SDK1: variants seen among roughly 807,000 people sequenced by gnomAD.
The protein encoded by SDK1 is sidekick cell adhesion molecule 1, also known as protein sidekick-1.
A neutral mutation model predicts 245.5 loss-of-function variants in SDK1; 157 were observed. The observed-to-expected ratio is 0.64, with a 90% confidence interval of 0.56 to 0.73. SDK1 has a LOEUF of 0.73. SDK1 is among the 30% of genes least tolerant of loss of function. The probability of loss-of-function intolerance (pLI) is 0.00; values close to 1 mark genes in which losing one functional copy is unlikely to be tolerated. For synonymous variants in SDK1, 1,647 were observed against 1,278.5 expected (o/e 1.29, Z -6.15); for missense variants, 3,583 against 3,002.3 (o/e 1.19, Z -4.52).
chr7:3,379,032 TCTC>T (rs1781420724), intron 1 of SDK1, among the ~76,000 whole-genome samples: 1 of 152,150 alleles, frequency 6.6e-6, no homozygotes, highest in African/African-American at 2.4e-5. Flanking sequence ...ATGGCCTGCT[TCTC>T]CTGGCCTGTG....
intron 1 of SDK1, among the ~76,000 whole-genome samples, chr7:3,563,362 T>C (rs531234893): frequency 7.2e-5 from 11 of 152,120 alleles, no homozygotes; most frequent in Non-Finnish European, 1.2e-4. Flanking sequence ...AAAAATAGGT[T>C]ATAAGAGACA....
At chr7:4,224,588 G>A (rs1404640223) in intron 40 of SDK1, among the ~76,000 whole-genome samples, 6 of 152,160 alleles carry the variant, frequency 3.9e-5, no homozygotes, top group Non-Finnish European at 7.3e-5. Context: ...GGGACACAGA[G>A]CCAAACAATA....
intron 1 of SDK1, among the ~76,000 whole-genome samples, chr7:3,563,252 AAAG>A (rs1009886538): frequency 6.6e-6 from 1 of 152,226 alleles, no homozygotes; most frequent in Admixed American, 6.5e-5. Context: ...AATATGAAAA[AAAG>A]CTGGAAAAGT....
chr7:3,337,921 A>G (rs1202266431), intron 1 of SDK1: 2 of 152,348 alleles, frequency 1.3e-5, no homozygotes, highest in African/African-American at 2.4e-5. Context: ...AAACGAAAAC[A>G]TAAGGCTCTG....
At chr7:4,218,832 G>T (rs1263998170) in intron 38 of SDK1, among the ~76,000 whole-genome samples, 1 of 152,024 alleles carries the variant, frequency 6.6e-6, no homozygotes, top group East Asian at 1.9e-4. Flanking sequence ...AGAGCTGCCT[G>T]GTGGAGATTA....
intron 35 of SDK1, among the ~76,000 whole-genome samples, chr7:4,191,160 C>T (rs368065240): frequency 2.6e-5 from 4 of 152,174 alleles, no homozygotes; most frequent in African/African-American, 4.8e-5. Flanking sequence ...AGGCCAACCC[C>T]GCGGCGGTCA....
intron 22 of SDK1, among the ~76,000 whole-genome samples, chr7:4,085,751 C>T (rs1336128265): frequency 6.6e-6 from 1 of 152,008 alleles, no homozygotes; most frequent in African/African-American, 2.4e-5. Flanking sequence ...GATGGGGTTT[C>T]ACCATGTTGG....
At chr7:3,304,910 A>T (rs572484743) in intron 1 of SDK1, among the ~76,000 whole-genome samples, 147 of 152,296 alleles carry the variant, frequency 9.7e-4, no homozygotes, top group African/African-American at 3.3e-3. Flanking sequence ...TCTGGGCATC[A>T]GGATGCTGAG....
chr7:3,388,988 C>G (rs67691723), intron 1 of SDK1, among the ~76,000 whole-genome samples: 16,035 of 152,186 alleles, frequency 0.11, 1,285 homozygotes, highest in African/African-American at 0.22. Flanking sequence ...TAGCATTATC[C>G]TGTGATACAG....
chr7:3,574,749 A>C (rs1275766362), intron 1 of SDK1, among the ~76,000 whole-genome samples: 1 of 152,130 alleles, frequency 6.6e-6, no homozygotes, highest in Non-Finnish European at 1.5e-5. Flanking sequence ...ATTTCATTTA[A>C]AGTTACGAAA....
In SDK1 at chr7:3,597,462, A is replaced by G. The variant is rs527994604; in HGVS notation, c.299-21618A>G. On this transcript the variant is annotated intron_variant, in intron 1 of 44. Coordinates refer to ENST00000404826, the MANE Select transcript of SDK1 (RefSeq NM_152744.4). ...AGCAGAACAGTGGGTTTTGTAAGAT[A>G]GAAACAGGACACAGAACACCGGCGG... Among the ~76,000 whole-genome samples the G allele has an allele frequency of 7.4e-4, 112 of 152,248 alleles. 1 individual carries two copies. Among genetic ancestry groups the G allele is most frequent in the African/African-American group, 2.5e-3 (105 of 41,536 alleles).
At chr7:4,161,483 G>A (rs1453851278) in intron 31 of SDK1, among the ~76,000 whole-genome samples, 1 of 152,120 alleles carries the variant, frequency 6.6e-6, no homozygotes, top group East Asian at 1.9e-4. Context: ...GGAGGGTCTC[G>A]AGCCAGAGAG....
intron 22 of SDK1, among the ~76,000 whole-genome samples, chr7:4,085,126 C>T (rs986279470): frequency 6.6e-6 from 1 of 152,170 alleles, no homozygotes; most frequent in Non-Finnish European, 1.5e-5. Context: ...GGACTCCTAA[C>T]TCGATTATCT....
chr7:4,002,679 AATAC>A (rs1199994908), intron 14 of SDK1, among the ~76,000 whole-genome samples: 1 of 152,166 alleles, frequency 6.6e-6, no homozygotes, highest in African/African-American at 2.4e-5. Flanking sequence ...TATATACACA[AATAC>A]ATATACACAC....
chr7:3,916,922 A>G (rs1354368854), intron 5 of SDK1, among the ~76,000 whole-genome samples: 1 of 152,242 alleles, frequency 6.6e-6, no homozygotes, highest in Non-Finnish European at 1.5e-5. Flanking sequence ...ATACAGGCAC[A>G]GATGCAGACT....
chr7:4,012,154 G>C lies in SDK1; in HGVS notation c.2339G>C (p.Arg780Pro). 9 of 1,578,208 alleles carry C rather than the reference G, an allele frequency of 5.7e-6. No homozygotes were observed. The highest frequency in any genetic ancestry group is 7.7e-6 in the Non-Finnish European group (9 of 1,162,516). ...CCGAAAAATATAGTGGCCAGTGGGCGGACTAATCAGTCCATTATGGTCCAG... is the reference window on the plus strand; with the variant it reads ...CCGAAAAATATAGTGGCCAGTGGGCCGACTAATCAGTCCATTATGGTCCAG... ...APPKNIVASG[R>P]TNQSIMVQWQ... Residue 780 changes from arginine (R) to proline (P), a missense_variant, in exon 16 of 45, where the codon CGG becomes CCG. Transcript: ENST00000404826.
intron 4 of SDK1, among the ~76,000 whole-genome samples, chr7:3,703,999 C>T (rs1217643577): frequency 6.6e-6 from 1 of 151,908 alleles, no homozygotes; most frequent in Non-Finnish European, 1.5e-5. Context: ...TTTAGTGTAC[C>T]CATCACCTGA....
chr7:3,424,187 T>C (rs1156851837), intron 1 of SDK1, among the ~76,000 whole-genome samples: 2 of 152,164 alleles, frequency 1.3e-5, no homozygotes, highest in African/African-American at 2.4e-5. Flanking sequence ...GCTGGGATTA[T>C]AGGCGTGAGC....
intron 1 of SDK1, among the ~76,000 whole-genome samples, chr7:3,464,698 G>GTGTATATATATATA (rs1554275277): frequency 2.0e-5 from 3 of 148,048 alleles, no homozygotes; most frequent in African/African-American, 7.6e-5. Flanking sequence ...GTGTATGTAT[G>GTGTATATATATATA]TATATATATA....
Sources: allele counts gnomAD v4.1 joint callset (sites outside exome capture counted in the v4.1 genomes callset), GRCh38; gene constraint gnomAD v4.1.1; transcripts MANE v1.5; gene names NCBI Gene and HGNC (gene_info 2026-07-23, HGNC 2026-07-21).